Variants in GALNT13 observed in about 807,000 individuals in gnomAD.
The protein encoded by GALNT13 is UDP-GalNAc:polypeptide N-acetylgalactosaminyltransferase 13.
In GALNT13, 28 loss-of-function variants were observed where a neutral mutation model predicts 64.2. That is an observed-to-expected ratio of 0.44 (90% CI 0.32 to 0.60). The LOEUF (loss-of-function observed/expected upper bound fraction) is 0.60. GALNT13 is among the 20% of genes least tolerant of loss of function. The pLI is 0.05. For synonymous variants in GALNT13, 214 were observed against 224.6 expected, an observed-to-expected ratio of 0.95 and a Z score of 0.42; for missense variants, 577 against 669.8, an observed-to-expected ratio of 0.86 and a Z score of 1.53.
At chr2:154,062,058 T>G (rs1393530062) in intron 3 of GALNT13, among the ~76,000 whole-genome samples, 1 of 152,206 alleles carries the variant, frequency 6.6e-6, no homozygotes, top group African/African-American at 2.4e-5. Flanking sequence ...GCTTTGTATG[T>G]TGTTTTTCAG....
the GALNT13 span, among the ~76,000 whole-genome samples, chr2:153,234,572 AC>A: frequency 6.6e-6 from 1 of 152,148 alleles, no homozygotes; most frequent in Admixed American, 6.5e-5. Context: ...CTTCTCAGGG[AC>A]TAATTTAAAT....
chr2:153,243,560 T>C, the GALNT13 span, among the ~76,000 whole-genome samples: 1 of 144,690 alleles, frequency 6.9e-6, no homozygotes, highest in East Asian at 2.0e-4. Flanking sequence ...AGAAACAGTT[T>C]TAACATACAA....
intron 3 of GALNT13, among the ~76,000 whole-genome samples, chr2:153,994,171 T>A (rs1265182472): frequency 1.3e-5 from 2 of 152,002 alleles, no homozygotes; most frequent in African/African-American, 4.8e-5. Flanking sequence ...CAGTGTTTGG[T>A]TTTTTTGTCC....
chr2:153,693,663 G>A, the GALNT13 span, among the ~76,000 whole-genome samples: 1 of 152,016 alleles, frequency 6.6e-6, no homozygotes, highest in African/African-American at 2.4e-5. Flanking sequence ...GGGGAAAAAG[G>A]GGAGAGAGAG....
intron 4 of GALNT13, among the ~76,000 whole-genome samples, chr2:154,171,971 T>TACACACACACAC (rs57343446): frequency 6.9e-6 from 1 of 144,218 alleles, no homozygotes; most frequent in African/African-American, 2.5e-5. Context: ...TTCTTTCTCA[T>TACACACACACAC]ACACACACAC....
chr2:153,361,059 C>T, the GALNT13 span, among the ~76,000 whole-genome samples: 1 of 152,124 alleles, frequency 6.6e-6, no homozygotes, highest in East Asian at 1.9e-4. Context: ...CTTCGAGTGA[C>T]ATATCCAGGC....
rs1323970097 is a variant in GALNT13 at position 153,934,096 on chromosome 2, C to G, written c.-104-10298C>G. ...TGGGGATGGTCATCTTTTACAGTAT[C>G]TCAGAGGATTTTTCTGAATGTATCT... is the stretch of plus-strand genomic sequence containing the variant. On this transcript the variant is annotated intron_variant, in intron 2 of 12. Coordinates refer to ENST00000392825, the MANE Select transcript of GALNT13 (RefSeq NM_052917.4). Among the ~76,000 whole-genome samples the G allele has an allele frequency of 3.3e-5, 5 of 152,226 alleles. No individual in the cohort carries two copies. The South Asian group carries it at 6.2e-4, about 19-fold the overall frequency.
At position 154,262,426 on chromosome 2, in the gene GALNT13, A is replaced by G. The variant is rs531005179; in HGVS notation, c.975+3288A>G. Among the ~76,000 whole-genome samples, 3 of 152,354 alleles carry G rather than the reference A, an allele frequency of 2.0e-5. No individual in the cohort carries two copies. In the South Asian group the frequency reaches 6.2e-4, roughly 32 times the overall value. On this transcript the variant is annotated intron_variant, in intron 8 of 12. Transcript: ENST00000392825. ...TAATCTTATCTTCCTCTTATAGGCTATAGCCTCTAATGGAAGATAATACAC... is the reference window on the plus strand; with the variant it reads ...TAATCTTATCTTCCTCTTATAGGCTGTAGCCTCTAATGGAAGATAATACAC...
chr2:153,563,927 A>T, the GALNT13 span, among the ~76,000 whole-genome samples: 1 of 151,882 alleles, frequency 6.6e-6, no homozygotes, highest in African/African-American at 2.4e-5. Context: ...TCCTTATTCG[A>T]TTTTCACAAA....
intron 3 of GALNT13, among the ~76,000 whole-genome samples, chr2:154,055,076 G>C (rs1699830867): frequency 6.6e-6 from 1 of 151,864 alleles, no homozygotes; most frequent in Non-Finnish European, 1.5e-5. Flanking sequence ...TCTAGGCTCT[G>C]TCTGGTTCAA....
intron 4 of GALNT13, among the ~76,000 whole-genome samples, chr2:154,217,606 C>T (rs1335739807): frequency 1.3e-5 from 2 of 151,940 alleles, no homozygotes; most frequent in Non-Finnish European, 2.9e-5. Context: ...CTTATGTATA[C>T]AAAGCTTTGG....
chr2:154,089,200 G>A (rs1314945450), intron 3 of GALNT13, among the ~76,000 whole-genome samples: 1 of 152,014 alleles, frequency 6.6e-6, no homozygotes, highest in Non-Finnish European at 1.5e-5. Flanking sequence ...CTTATGGACT[G>A]CCTACTCCAT....
rs572113887 is a variant in GALNT13, at chr2:154,296,025, G to A, written c.976-5384G>A. Among the ~76,000 whole-genome samples, 6 of 152,262 alleles carry A rather than the reference G, an allele frequency of 3.9e-5. No individual in the cohort carries two copies. In the South Asian group the frequency reaches 1.2e-3, roughly 32 times the overall value. On this transcript the variant is annotated intron_variant, in intron 8 of 12. Coordinates refer to ENST00000392825, the MANE Select transcript of GALNT13 (RefSeq NM_052917.4). ...TCTTTTCCAAGGGCCTTTTGGAGAGGAAGATCTTAGTCTCTATTTCACCCA... is the reference window on the plus strand; with the variant it reads ...TCTTTTCCAAGGGCCTTTTGGAGAGAAAGATCTTAGTCTCTATTTCACCCA...
At chr2:153,366,192 T>A in the GALNT13 span, among the ~76,000 whole-genome samples, 1 of 151,998 alleles carries the variant, frequency 6.6e-6, no homozygotes, top group African/African-American at 2.4e-5. Flanking sequence ...AGTTGTACAA[T>A]GAGAACACAT....
the GALNT13 span, among the ~76,000 whole-genome samples, chr2:153,285,452 A>T: frequency 6.6e-6 from 1 of 152,216 alleles, no homozygotes. Context: ...AAATGGAATT[A>T]CGTAGAAGGA....
At chr2:153,083,169 T>G in the GALNT13 span, among the ~76,000 whole-genome samples, 1 of 152,152 alleles carries the variant, frequency 6.6e-6, no homozygotes, top group Admixed American at 6.5e-5. Context: ...GCTATAAACA[T>G]GGGTGCTCAA....
chr2:153,628,539 A>G, the GALNT13 span, among the ~76,000 whole-genome samples: 11,611 of 151,824 alleles, frequency 0.076, 527 homozygotes, highest in Non-Finnish European at 0.11. Flanking sequence ...TAATTTATTG[A>G]GAGTTTTTAG....
At chr2:153,508,672 C>T in the GALNT13 span, among the ~76,000 whole-genome samples, 1 of 152,172 alleles carries the variant, frequency 6.6e-6, no homozygotes. Context: ...AGTTGACTCA[C>T]GGTTTTTTAG....
rs959691455 is a variant in GALNT13 at position 154,041,067 on chromosome 2, G to T, written c.142+96428G>T. On this transcript the variant is annotated intron_variant, in intron 3 of 12. Coordinates refer to ENST00000392825, the MANE Select transcript of GALNT13 (RefSeq NM_052917.4). ...TGGTTTGGTTTGTTCATTAAAAAAA[G>T]GAAACAATTATTAGCTAAACCACAC... Among the ~76,000 whole-genome samples, 4 of 139,738 alleles carry T rather than the reference G, an allele frequency of 2.9e-5. 1 individual carries two copies. Among genetic ancestry groups the T allele is most frequent in the Admixed American group, 7.2e-5 (1 of 13,872 alleles). 91.7% of individuals were successfully genotyped at this position (139,738 alleles called of 152,430 possible). A position where few individuals can be genotyped will look rare whatever the true frequency, so the allele number is the denominator to read the frequency against.
Sources: allele counts gnomAD v4.1 joint callset (sites outside exome capture counted in the v4.1 genomes callset), GRCh38; gene constraint gnomAD v4.1.1; transcripts MANE v1.5; gene names NCBI Gene and HGNC (gene_info 2026-07-23, HGNC 2026-07-21).